Variants in AKAP9 observed in about 807,000 individuals in gnomAD.
AKAP9 encodes the protein A-kinase anchoring protein 9.
Under a neutral mutation model 488.5 loss-of-function variants are expected in AKAP9, and 311 were observed. That is an observed-to-expected ratio of 0.64 (90% CI 0.58 to 0.70). The LOEUF (loss-of-function observed/expected upper bound fraction) is 0.70, where lower values mean the gene tolerates loss of function less well. AKAP9 is among the 30% of genes least tolerant of loss of function. The pLI is 0.00. For missense variants in AKAP9, 4,215 were observed against 4,374.5 expected (o/e 0.96, Z 1.03); for synonymous variants, 1,462 against 1,483.5 (o/e 0.99, Z 0.33).
At chr7:91,975,700 T>A (rs1320058723) in intron 2 of AKAP9, among the ~76,000 whole-genome samples, 6 of 152,192 alleles carry the variant, frequency 3.9e-5, no homozygotes. Flanking sequence ...CTTGTATTAT[T>A]TCTCCTAATA....
intron 3 of AKAP9, among the ~76,000 whole-genome samples, chr7:91,985,951 C>A (rs1484032158): frequency 6.6e-6 from 1 of 152,132 alleles, no homozygotes; most frequent in Non-Finnish European, 1.5e-5. Context: ...CCAGCCAATT[C>A]CCCCTTTTTC....
intron 34 of AKAP9, 51 bp from the exon 35 acceptor site, chr7:92,084,768 C>T: frequency 6.2e-7 from 1 of 1,603,506 alleles, no homozygotes; most frequent in Non-Finnish European, 8.5e-7. Context: ...TTTTTGGGGA[C>T]TGGGGTTTGA....
chr7:92,039,825 A>C lies in AKAP9; in HGVS notation c.4693-849A>C, dbSNP rs368700802. Among the ~76,000 whole-genome samples, 4 of 152,186 alleles carry C rather than the reference A, an allele frequency of 2.6e-5. 1 individual carries two copies. On this transcript the variant is annotated intron_variant, in intron 17 of 49. Coordinates refer to ENST00000356239, the MANE Select transcript of AKAP9 (RefSeq NM_005751.5). ...CCCCCTCTCTACTAAAAATACAAAA[A>C]TTAGCTGGGCATGGCAGTACATGCC...
intron 14 of AKAP9, among the ~76,000 whole-genome samples, chr7:92,028,423 C>T (rs1045603372): frequency 2.7e-5 from 4 of 150,484 alleles, no homozygotes; most frequent in African/African-American, 9.8e-5. Flanking sequence ...AAGTAAGATC[C>T]AGGACATAAA....
At chr7:92,088,151 G>A (rs1814926977) in intron 37 of AKAP9, among the ~76,000 whole-genome samples, 1 of 152,122 alleles carries the variant, frequency 6.6e-6, no homozygotes, top group African/African-American at 2.4e-5. Context: ...TTACAGTGGA[G>A]AAACCTTGCA....
At chr7:92,063,058 A>C (rs1810160040) in intron 24 of AKAP9, among the ~76,000 whole-genome samples, 1 of 148,068 alleles carries the variant, frequency 6.8e-6, no homozygotes, top group Non-Finnish European at 1.5e-5. Flanking sequence ...TTTAGCAGTA[A>C]ATGTCAGTCT....
At chr7:92,081,215 G>A (rs1340876518) in intron 31 of AKAP9, among the ~76,000 whole-genome samples, 1 of 151,586 alleles carries the variant, frequency 6.6e-6, no homozygotes, top group Non-Finnish European at 1.5e-5. Flanking sequence ...AAATATGTTA[G>A]GATTGACAAA....
rs372142524 is a variant in AKAP9, at chr7:92,100,960, A to G, written c.11001A>G (p.Lys3667=). 1 of 1,614,188 alleles carries G rather than the reference A, an allele frequency of 6.2e-7. No homozygotes were observed. The highest frequency in any genetic ancestry group is 1.3e-5 in the African/African-American group (1 of 75,052). ...REKLTLQKSL[K]RAEAEVYKLK... is the part of the protein sequence containing the mutation. ...AATTGACTCTCCAGAAATCTTTGAA[A>G]AGGGCAGAGGCTGAAGTATACAAAC... The change falls in exon 45 of 50, where the codon AAA becomes AAG. Residue 3667 remains lysine (K), a synonymous_variant. Transcript: ENST00000356239.
At position 92,002,599 on chromosome 7, in the gene AKAP9, A is replaced by G; in HGVS notation, c.2682A>G (p.Lys894=). 6.2e-7 allele frequency: 1 copy of G among 1,610,964 alleles called. No homozygotes were observed. The highest frequency in any genetic ancestry group is 8.5e-7 in the Non-Finnish European group (1 of 1,178,606). The change falls in exon 8 of 50, where the codon AAA becomes AAG. Residue 894 remains lysine (K), a synonymous_variant. Transcript: ENST00000356239. ...KQELEYKSKL[K]ALNEELHLQR... ...AATTAGAGTATAAAAGTAAACTTAA[A>G]GCACTTAATGAAGAGCTTCATTTGC...
intron 1 of AKAP9, among the ~76,000 whole-genome samples, chr7:91,963,833 TG>T (rs1438740197): frequency 6.4e-4 from 98 of 152,312 alleles, no homozygotes; most frequent in African/African-American, 2.2e-3. Flanking sequence ...TCACATATTT[TG>T]ATAGTAATAT....
chr7:91,968,171 C>T (rs1356594494), intron 1 of AKAP9, among the ~76,000 whole-genome samples: 1 of 152,136 alleles, frequency 6.6e-6, no homozygotes, highest in Non-Finnish European at 1.5e-5. Context: ...CTCCTGAGCT[C>T]AAGCTCAAGC....
intron 2 of AKAP9, 91 bp downstream of exon 2, chr7:91,974,059 T>A: frequency 6.9e-7 from 1 of 1,458,464 alleles, no homozygotes. Flanking sequence ...AATTTGATCA[T>A]GATTTTTATG....
intron 1 of AKAP9, among the ~76,000 whole-genome samples, chr7:91,962,474 T>G (rs28668287): frequency 0.023 from 3,544 of 152,248 alleles, 157 homozygotes; most frequent in African/African-American, 0.081. Context: ...TTAAACTGTT[T>G]TGGTTCTCAA....
intron 18 of AKAP9, 183 bp from the exon 19 acceptor site, chr7:92,041,863 T>C (rs1806165637): frequency 1.7e-6 from 1 of 590,790 alleles, no homozygotes. Flanking sequence ...TAATTGGCTT[T>C]TAAAAAATAT....
intron 47 of AKAP9, among the ~76,000 whole-genome samples, chr7:92,106,436 C>T (rs991300505): frequency 1.3e-5 from 2 of 152,022 alleles, no homozygotes; most frequent in African/African-American, 4.8e-5. Flanking sequence ...AGTGATGGAA[C>T]CAGGACCAAA....
chr7:92,096,475 C>CA (rs1375070079), intron 40 of AKAP9, among the ~76,000 whole-genome samples: 3 of 151,976 alleles, frequency 2.0e-5, no homozygotes, highest in Non-Finnish European at 4.4e-5. Context: ...GCTGGGACTA[C>CA]AGGCACGTGC....
chr7:92,053,013 C>T lies in AKAP9; in HGVS notation c.5601+55C>T, dbSNP rs1808246472. On this transcript the variant is annotated intron_variant, in intron 22 of 49. Transcript: ENST00000356239. ...GAGTTTGAAGTACAATATACTATCCCACTCTCTCGACTGAGCTAATTTTGA... is the reference window on the plus strand; with the variant it reads ...GAGTTTGAAGTACAATATACTATCCTACTCTCTCGACTGAGCTAATTTTGA... 5.6e-6 allele frequency: 8 copies of T among 1,417,904 alleles called. No homozygotes were observed. In the South Asian group the frequency reaches 8.2e-5, roughly 15 times the overall value. The allele number at this position is 1,417,904 out of a possible 1,614,324, so 87.8% of individuals were successfully genotyped here. A position where few individuals can be genotyped will look rare whatever the true frequency, so the allele number is the denominator to read the frequency against.
At chr7:91,965,841 TG>T (rs1339288764) in intron 1 of AKAP9, among the ~76,000 whole-genome samples, 1 of 152,204 alleles carries the variant, frequency 6.6e-6, no homozygotes, top group Non-Finnish European at 1.5e-5. Flanking sequence ...TCTTAAGAAA[TG>T]TCTGTTCAGA....
intron 38 of AKAP9, chr7:92,090,604 A>T (rs915731017): frequency 3.4e-5 from 5 of 147,396 alleles, no homozygotes; most frequent in African/African-American, 5.1e-5. Context: ...CCTGAGCGAC[A>T]GAGCAAGACT....
Sources: gnomAD v4.1 joint callset for allele counts (sites outside exome capture counted in the v4.1 genomes callset) on GRCh38, gnomAD v4.1.1 for gene constraint, MANE v1.5 for transcripts, NCBI Gene and HGNC (gene_info 2026-07-23, HGNC 2026-07-21) for gene names.